Variants in PDCD10 observed in about 807,000 individuals in gnomAD.
PDCD10 encodes the protein programmed cell death 10, also known as programmed cell death protein 10.
In PDCD10, 4 loss-of-function variants were observed where a neutral mutation model predicts 29.2. The ratio of observed to expected loss-of-function variants is 0.14; its 90% confidence interval spans 0.07 to 0.31. The LOEUF (loss-of-function observed/expected upper bound fraction) is 0.31. Among genes scored for constraint, PDCD10 ranks in the 10% least tolerant of loss-of-function variants. PDCD10 has a pLI of 1.00. For missense variants in PDCD10, 183 were observed against 257.9 expected (o/e 0.71, Z 1.99); for synonymous variants, 70 against 82.2 (o/e 0.85, Z 0.80).
At chr3:167,688,612 TTGA>T (rs1259095179) in intron 6 of PDCD10, among the ~76,000 whole-genome samples, 1 of 152,168 alleles carries the variant, frequency 6.6e-6, no homozygotes, top group Non-Finnish European at 1.5e-5. Flanking sequence ...CAAATTGAAC[TTGA>T]TGTAATTCTG....
At position 167,720,202 on chromosome 3, in the gene PDCD10, G is replaced by A; in HGVS notation, c.-45C>T. ...GAAAAAGCAGTGCTAAAATGCAGAGGAATCTTCATTCACTGCAATATTTCT... is the reference window on the plus strand; with the variant it reads ...GAAAAAGCAGTGCTAAAATGCAGAGAAATCTTCATTCACTGCAATATTTCT... On this transcript the variant is annotated 5_prime_UTR_variant, in exon 3 of 9. Transcript: ENST00000392750. 8.1e-7 allele frequency: 1 copy of A among 1,230,252 alleles called. No homozygotes were observed. The highest frequency in any genetic ancestry group is 1.2e-6 in the Non-Finnish European group (1 of 830,756). 76.2% of individuals were successfully genotyped at this position (1,230,252 alleles called of 1,614,324 possible).
intron 2 of PDCD10, among the ~76,000 whole-genome samples, chr3:167,724,193 A>C (rs1723860348): frequency 6.6e-6 from 1 of 152,218 alleles, no homozygotes; most frequent in Non-Finnish European, 1.5e-5. Context: ...TATCAAATGA[A>C]AGGAGAGGAA....
chr3:167,700,064 T>G (rs949077950), intron 4 of PDCD10, among the ~76,000 whole-genome samples: 1 of 152,196 alleles, frequency 6.6e-6, no homozygotes, highest in African/African-American at 2.4e-5. Context: ...ATGGTGTTAT[T>G]TGCAGTTAAA....
chr3:167,705,554 T>C (rs778057745), intron 3 of PDCD10, among the ~76,000 whole-genome samples: 53 of 152,308 alleles, frequency 3.5e-4, no homozygotes, highest in South Asian at 6.2e-4. Flanking sequence ...ATTTATTTTC[T>C]AAACAAGACA....
intron 4 of PDCD10, 160 bp downstream of exon 4, chr3:167,704,682 T>C: frequency 1.7e-6 from 1 of 579,350 alleles, no homozygotes. Context: ...TTCTAGTTTA[T>C]CTTTTGGAAG....
At chr3:167,700,745 A>G (rs1379747244) in intron 4 of PDCD10, among the ~76,000 whole-genome samples, 4 of 152,238 alleles carry the variant, frequency 2.6e-5, no homozygotes, top group African/African-American at 7.2e-5. Context: ...ATAGTTTGAT[A>G]ATTTTAGAAA....
At chr3:167,716,551 C>A (rs964173886) in intron 3 of PDCD10, among the ~76,000 whole-genome samples, 1 of 150,574 alleles carries the variant, frequency 6.6e-6, no homozygotes, top group Non-Finnish European at 1.5e-5. Flanking sequence ...TATGTGCCCA[C>A]AAAAATTTAA....
At chr3:167,694,458 C>CA (rs749014812) in intron 6 of PDCD10, 18 of 155,584 alleles carry the variant, frequency 1.2e-4, no homozygotes, top group South Asian at 3.7e-4. Context: ...GGCTTGTTTT[C>CA]ACTTTCCTAC....
intron 8 of PDCD10, among the ~76,000 whole-genome samples, chr3:167,685,411 A>AG (rs1413665847): frequency 6.6e-6 from 1 of 151,258 alleles, no homozygotes; most frequent in East Asian, 1.9e-4. Flanking sequence ...AAAAAAAAAA[A>AG]AAAAAAAAAG....
At chr3:167,724,900 GT>G (rs1723935542) in intron 2 of PDCD10, among the ~76,000 whole-genome samples, 1 of 152,046 alleles carries the variant, frequency 6.6e-6, no homozygotes, top group Non-Finnish European at 1.5e-5. Context: ...CCAAGAGTTG[GT>G]TAACCCAGGA....
chr3:167,686,835 ATAT>A (rs1719673702), intron 8 of PDCD10, among the ~76,000 whole-genome samples: 1 of 152,234 alleles, frequency 6.6e-6, no homozygotes, highest in Admixed American at 6.5e-5. Flanking sequence ...CAAAAGAAGA[ATAT>A]TATATGACAG....
At chr3:167,708,333 C>T (rs1017482403) in intron 3 of PDCD10, among the ~76,000 whole-genome samples, 1 of 150,274 alleles carries the variant, frequency 6.7e-6, no homozygotes, top group African/African-American at 2.4e-5. Flanking sequence ...TGCTTTCACA[C>T]TTTTGTGAAA....
intron 3 of PDCD10, among the ~76,000 whole-genome samples, chr3:167,707,760 A>T (rs1283448463): frequency 6.6e-6 from 1 of 152,196 alleles, no homozygotes; most frequent in African/African-American, 2.4e-5. Context: ...CAGTGCATAC[A>T]CTGTATTTTG....
chr3:167,709,294 C>T (rs1559964141), intron 3 of PDCD10, among the ~76,000 whole-genome samples: 1 of 152,090 alleles, frequency 6.6e-6, no homozygotes, highest in Non-Finnish European at 1.5e-5. Flanking sequence ...AATCATAGTA[C>T]CTGGTTTTAA....
At chr3:167,695,183 T>C (rs190324620) in intron 6 of PDCD10, among the ~76,000 whole-genome samples, 1 of 152,232 alleles carries the variant, frequency 6.6e-6, no homozygotes, top group Non-Finnish European at 1.5e-5. Context: ...ATTTAGAGGC[T>C]ATTTGGTCAG....
chr3:167,690,613 A>C (rs927972654), intron 6 of PDCD10, among the ~76,000 whole-genome samples: 1 of 152,220 alleles, frequency 6.6e-6, no homozygotes, highest in African/African-American at 2.4e-5. Context: ...GCATAGCTCA[A>C]ATGTACTCAG....
intron 6 of PDCD10, among the ~76,000 whole-genome samples, chr3:167,690,035 T>G (rs1284900963): frequency 2.6e-5 from 4 of 152,096 alleles, no homozygotes; most frequent in Admixed American, 6.6e-5. Flanking sequence ...TATAGACAAT[T>G]AACCAGATAA....
chr3:167,687,697 T>C lies in PDCD10; in HGVS notation c.396-4A>G. 1 of 1,483,240 alleles carries C rather than the reference T, an allele frequency of 6.7e-7. No homozygotes were observed. The highest frequency in any genetic ancestry group is 9.4e-7 in the Non-Finnish European group (1 of 1,061,226). The allele number at this position is 1,483,240 out of a possible 1,614,324, so 91.9% of individuals were successfully genotyped here. Reference sequence around the variant, plus strand: ...TTTTATTGCACTAGCTATATCCCTGTTGGGAAAAGAATAAAGAATATCAGC... The same window carrying C: ...TTTTATTGCACTAGCTATATCCCTGCTGGGAAAAGAATAAAGAATATCAGC... On this transcript the variant is annotated splice_polypyrimidine_tract_variant and splice_region_variant and intron_variant, in intron 6 of 8. Transcript: ENST00000392750.
chr3:167,722,958 C>A (rs1012114976), intron 2 of PDCD10, among the ~76,000 whole-genome samples: 11 of 152,156 alleles, frequency 7.2e-5, no homozygotes, highest in African/African-American at 2.7e-4. Context: ...ACAAAAAGAA[C>A]AGTATTTTGG....
Sources: allele counts gnomAD v4.1 joint callset (sites outside exome capture counted in the v4.1 genomes callset), GRCh38; gene constraint gnomAD v4.1.1; transcripts MANE v1.5; gene names NCBI Gene and HGNC (gene_info 2026-07-23, HGNC 2026-07-21).